PFKFB3: variants seen among roughly 807,000 people sequenced by gnomAD.
PFKFB3 encodes 6-phosphofructo-2-kinase/fructose-2,6-biphosphatase 3.
A neutral mutation model predicts 68.0 loss-of-function variants in PFKFB3; 33 were observed. That is an observed-to-expected ratio of 0.49 (90% CI 0.37 to 0.65). The LOEUF is 0.65. PFKFB3 is among the 30% of genes least tolerant of loss of function. The probability of loss-of-function intolerance (pLI) is 0.00; values close to 1 mark genes in which losing one functional copy is unlikely to be tolerated. For synonymous variants in PFKFB3, 315 were observed against 288.2 expected (o/e 1.09, Z -0.94); for missense variants, 586 against 712.2 (o/e 0.82, Z 2.02).
chr10:6,174,469 A>G (rs1342199461), intron 1 of PFKFB3, among the ~76,000 whole-genome samples: 1 of 152,152 alleles, frequency 6.6e-6, no homozygotes, highest in Non-Finnish European at 1.5e-5. Flanking sequence ...AGTTCTGTGG[A>G]GCGAGAGATT....
chr10:6,259,558 CCATCCATCCACTCATCCATCCACT>C (rs1465282575), downstream of PFKFB3, among the ~76,000 whole-genome samples: 13 of 135,608 alleles, frequency 9.6e-5, no homozygotes, highest in African/African-American at 3.0e-4. Context: ...ATCCATCCAT[CCATCCATCCACTCATCCATCCACT>C]CATCCATCCA....
chr10:6,160,717 T>C (rs1252905742), intron 1 of PFKFB3, among the ~76,000 whole-genome samples: 1 of 7,268 alleles, frequency 1.4e-4, no homozygotes, highest in Non-Finnish European at 3.7e-4. Context: ...AGACTCTGTC[T>C]CAAAAAAAAA....
At chr10:6,188,677 G>A (rs763289619) in intron 1 of PFKFB3, among the ~76,000 whole-genome samples, 2 of 151,600 alleles carry the variant, frequency 1.3e-5, no homozygotes, top group Admixed American at 6.6e-5. Context: ...GACGTCCCCC[G>A]TTCTGCTTTC....
the PFKFB3 span, among the ~76,000 whole-genome samples, chr10:6,311,491 C>CACCTGTAAT: frequency 4.6e-5 from 7 of 152,166 alleles, 1 homozygote; most frequent in South Asian, 1.5e-3. Flanking sequence ...CAGTGGCTCT[C>CACCTGTAAT]TGGGCCCAGC....
chr10:6,161,348 G>C (rs112843220), intron 1 of PFKFB3, among the ~76,000 whole-genome samples: 246 of 152,188 alleles, frequency 1.6e-3, no homozygotes, highest in Non-Finnish European at 2.8e-3. Context: ...AGCAATATGA[G>C]GATCCCATTT....
At chr10:6,219,835 C>A in intron 7 of PFKFB3, 142 bp downstream of exon 7, 1 of 753,150 alleles carries the variant, frequency 1.3e-6, no homozygotes, top group Non-Finnish European at 2.1e-6. Context: ...TGAGGTCTCG[C>A]TATGTTGCCC....
intron 1 of PFKFB3, among the ~76,000 whole-genome samples, chr10:6,180,240 T>G (rs1252266998): frequency 1.3e-5 from 2 of 152,062 alleles, no homozygotes; most frequent in Admixed American, 1.3e-4. Flanking sequence ...AATGAATGAA[T>G]GATTGCTTTG....
chr10:6,188,697 G>C (rs1416002449), intron 1 of PFKFB3, among the ~76,000 whole-genome samples: 1 of 151,714 alleles, frequency 6.6e-6, no homozygotes, highest in Non-Finnish European at 1.5e-5. Context: ...CTGTTTCTGT[G>C]AATCTCTTGT....
At chr10:6,206,864 C>G (rs554598991) in intron 1 of PFKFB3, among the ~76,000 whole-genome samples, 30 of 129,778 alleles carry the variant, frequency 2.3e-4, no homozygotes, top group African/African-American at 8.7e-4. Context: ...CAGAGACGCT[C>G]CTCACTTTCC....
At chr10:6,251,170 T>G (rs1275825889) in intron 14 of PFKFB3, among the ~76,000 whole-genome samples, 1 of 152,170 alleles carries the variant, frequency 6.6e-6, no homozygotes, top group Non-Finnish European at 1.5e-5. Context: ...TAAATAGACT[T>G]TGGATATTCA....
At chr10:6,145,813 C>A (rs1232401916) in intron 1 of PFKFB3, among the ~76,000 whole-genome samples, 2 of 151,334 alleles carry the variant, frequency 1.3e-5, no homozygotes, top group Admixed American at 6.6e-5. Flanking sequence ...TTCCGCCCTG[C>A]GTGCCAGAAA....
chr10:6,221,591 C>A (rs756592487), intron 9 of PFKFB3, 50 bp from the exon 10 acceptor site: 1 of 1,610,588 alleles, frequency 6.2e-7, no homozygotes, highest in Non-Finnish European at 8.5e-7. Context: ...CCAAGAGGCC[C>A]TAGACACCCC....
chr10:6,276,838 T>TTGTGTGTGTG, the PFKFB3 span, among the ~76,000 whole-genome samples: 4,966 of 147,272 alleles, frequency 0.034, 122 homozygotes, highest in Non-Finnish European at 0.05. Flanking sequence ...TTATATGTAT[T>TTGTGTGTGTG]TGTGTGTGTG....
intron 13 of PFKFB3, chr10:6,224,545 G>C: frequency 2.1e-6 from 1 of 477,438 alleles, no homozygotes. Flanking sequence ...CGGTGGCGCA[G>C]TCACGGCTCA....
downstream of PFKFB3, among the ~76,000 whole-genome samples, chr10:6,240,399 G>A (rs564235001): frequency 2.6e-5 from 4 of 151,868 alleles, no homozygotes; most frequent in Non-Finnish European, 5.9e-5. Context: ...CTAGTAGGTG[G>A]GATTACAGGT....
At chr10:6,179,315 A>G (rs944258413) in intron 1 of PFKFB3, among the ~76,000 whole-genome samples, 1 of 152,262 alleles carries the variant, frequency 6.6e-6, no homozygotes. Context: ...GAAGCCGACA[A>G]GAGCCCAAAC....
chr10:6,186,263 A>G (rs666595), intron 1 of PFKFB3, among the ~76,000 whole-genome samples: 100,796 of 152,114 alleles, frequency 0.66, 33,715 homozygotes, highest in Middle Eastern at 0.72. Flanking sequence ...CTGGACCAGC[A>G]GTGGCTTAAC....
At chr10:6,192,139 TACACACACACACACACACACAC>T (rs60638987) in intron 1 of PFKFB3, among the ~76,000 whole-genome samples, 7 of 119,142 alleles carry the variant, frequency 5.9e-5, no homozygotes, top group Admixed American at 3.7e-4. Flanking sequence ...CATTCCCCAA[TACACACACACACACACACACAC>T]ACACACACAC....
intron 1 of PFKFB3, among the ~76,000 whole-genome samples, chr10:6,208,513 C>T (rs1457014442): frequency 6.6e-6 from 1 of 151,450 alleles, no homozygotes; most frequent in African/African-American, 2.4e-5. Context: ...GATAGAAAGA[C>T]TTTCATCTCA....
Sources: gnomAD v4.1 joint callset for allele counts (sites outside exome capture counted in the v4.1 genomes callset) on GRCh38, gnomAD v4.1.1 for gene constraint, MANE v1.5 for transcripts, NCBI Gene and HGNC (gene_info 2026-07-23, HGNC 2026-07-21) for gene names.